SLC14A2: variants seen among roughly 807,000 people sequenced by gnomAD.
SLC14A2 encodes the protein solute carrier family 14 member 2, also known as urea transporter 2.
In SLC14A2, 91 loss-of-function variants were observed where a neutral mutation model predicts 104.6. That is an observed-to-expected ratio of 0.87 (90% CI 0.73 to 1.04). SLC14A2 has a LOEUF of 1.04. SLC14A2 is among the 50% of genes least tolerant of loss of function. SLC14A2 has a pLI of 0.00. For synonymous variants in SLC14A2, 476 were observed against 466.4 expected, an observed-to-expected ratio of 1.02 and a Z score of -0.27; for missense variants, 1,189 against 1,156.0, an observed-to-expected ratio of 1.03 and a Z score of -0.41.
At chr18:45,389,947 C>T (rs2085942329) in intron 1 of SLC14A2, among the ~76,000 whole-genome samples, 1 of 152,210 alleles carries the variant, frequency 6.6e-6, no homozygotes, top group Admixed American at 6.5e-5. Context: ...CTGTACCTTC[C>T]TCCTTCCTCT....
intron 1 of SLC14A2, among the ~76,000 whole-genome samples, chr18:45,292,987 G>A (rs575741765): frequency 4.6e-5 from 7 of 151,558 alleles, no homozygotes; most frequent in African/African-American, 1.2e-4. Flanking sequence ...GCTTGACACC[G>A]CCCCTGCCCC....
At chr18:45,223,308 C>T (rs1184627932) in intron 1 of SLC14A2, among the ~76,000 whole-genome samples, 1 of 152,044 alleles carries the variant, frequency 6.6e-6, no homozygotes, top group Non-Finnish European at 1.5e-5. Flanking sequence ...GCAAACAGCC[C>T]ACCGTGGGTC....
chr18:45,215,226 C>T (rs1438569587), intron 1 of SLC14A2, among the ~76,000 whole-genome samples: 1 of 152,182 alleles, frequency 6.6e-6, no homozygotes, highest in Non-Finnish European at 1.5e-5. Flanking sequence ...GATTAAGAAT[C>T]AATATTCACC....
At chr18:45,170,479 T>A in the SLC14A2 span, among the ~76,000 whole-genome samples, 1 of 152,202 alleles carries the variant, frequency 6.6e-6, no homozygotes, top group South Asian at 2.1e-4. Flanking sequence ...TAACCTTGAA[T>A]GTTTGCACAT....
intron 1 of SLC14A2, among the ~76,000 whole-genome samples, chr18:45,276,184 A>G (rs1046656332): frequency 1.3e-5 from 2 of 152,260 alleles, no homozygotes; most frequent in African/African-American, 4.8e-5. Flanking sequence ...CAGATCATCT[A>G]GAGCCCTGTA....
At chr18:45,659,616 T>G (rs1484876) in intron 10 of SLC14A2, among the ~76,000 whole-genome samples, 114,782 of 152,088 alleles carry the variant, frequency 0.75, 44,197 homozygotes, top group Non-Finnish European at 0.83. Context: ...AAACTTCCAC[T>G]CTTTTATCCA....
intron 1 of SLC14A2, among the ~76,000 whole-genome samples, chr18:45,303,430 C>G (rs970774028): frequency 2.0e-5 from 3 of 152,200 alleles, no homozygotes; most frequent in African/African-American, 7.2e-5. Context: ...TATAGAAATA[C>G]AGAGTCCTCA....
intron 2 of SLC14A2, among the ~76,000 whole-genome samples, chr18:45,544,884 A>G (rs898637756): frequency 4.5e-5 from 6 of 134,614 alleles, no homozygotes; most frequent in African/African-American, 1.7e-4. Flanking sequence ...CCTCCGCCCC[A>G]TGGGTTCAAG....
At chr18:45,199,183 G>T in the SLC14A2 span, among the ~76,000 whole-genome samples, 3 of 152,050 alleles carry the variant, frequency 2.0e-5, no homozygotes, top group Non-Finnish European at 2.9e-5. Context: ...GGATTTTATG[G>T]TGTCTTCATT....
At chr18:45,267,819 C>G (rs1166023091) in intron 1 of SLC14A2, among the ~76,000 whole-genome samples, 1 of 152,126 alleles carries the variant, frequency 6.6e-6, no homozygotes, top group East Asian at 1.9e-4. Flanking sequence ...TTCCCAATGA[C>G]TGTGATGGAA....
At chr18:45,650,341 A>G (rs1387964516) in intron 10 of SLC14A2, among the ~76,000 whole-genome samples, 1 of 151,760 alleles carries the variant, frequency 6.6e-6, no homozygotes, top group Non-Finnish European at 1.5e-5. Flanking sequence ...TTAATTTTCT[A>G]TCTCCTCTTG....
intron 2 of SLC14A2, among the ~76,000 whole-genome samples, chr18:45,561,144 CCA>C (rs1220624281): frequency 1.3e-5 from 2 of 152,082 alleles, no homozygotes; most frequent in Admixed American, 1.3e-4. Flanking sequence ...CTGTCACCAG[CCA>C]CAGTGGCCTG....
chr18:45,632,166 TGTGTTA>T lies in SLC14A2; in HGVS notation c.522-183_522-178del, dbSNP rs2045356040. 2.0e-5 allele frequency among the ~76,000 whole-genome samples: 3 copies of T among 150,388 alleles called. 1 individual carries two copies. In the South Asian group the frequency reaches 6.3e-4, roughly 32 times the overall value. Reference sequence around the variant, plus strand: ...GTGTTTGTGTGTGTGTGTGTGTGTGTGTGTTATCAGGAAAGGTGCTGGCAGCTATGT... The same window carrying T: ...GTGTTTGTGTGTGTGTGTGTGTGTGTTCAGGAAAGGTGCTGGCAGCTATGT... On this transcript the variant is annotated intron_variant, in intron 4 of 19. Coordinates refer to ENST00000255226, the MANE Select transcript of SLC14A2 (RefSeq NM_007163.4).
intron 18 of SLC14A2, among the ~76,000 whole-genome samples, chr18:45,677,447 C>G (rs1013455455): frequency 4.6e-5 from 7 of 152,322 alleles, no homozygotes; most frequent in African/African-American, 1.7e-4. Flanking sequence ...TAAGAGCCCA[C>G]TCCCAGAGCC....
intron 2 of SLC14A2, among the ~76,000 whole-genome samples, chr18:45,509,841 T>A (rs9954179): frequency 0.013 from 1,981 of 152,170 alleles, 41 homozygotes; most frequent in African/African-American, 0.045. Context: ...GAATGCAGAG[T>A]TCTGTAGGTC....
At chr18:45,626,806 A>ACCCCCACCCCCCCC in intron 3 of SLC14A2, 152 bp from the exon 4 acceptor site, 2 of 374,232 alleles carry the variant, frequency 5.3e-6, no homozygotes, top group Non-Finnish European at 1.0e-5. Context: ...CCTCCCCTCT[A>ACCCCCACCCCCCCC]CCCCCACCCC....
rs1459820808 is a variant in SLC14A2, at chr18:45,669,307, C to T, written c.2038C>T (p.Pro680Ser). Residue 680 changes from proline to serine, a missense_variant and splice_region_variant, in exon 16 of 20, where the codon CCC (proline) becomes TCC (serine). Coordinates refer to ENST00000255226, the MANE Select transcript of SLC14A2 (RefSeq NM_007163.4). The part of the protein sequence containing the change: ...LPVIIMSMSC[P>S]ILSSALGTIF... ...CATCTCTCATGCTTCTGCCATCAGCCCCATCCTCTCCAGTGCCCTGGGTAC... is the reference window on the plus strand; with the variant it reads ...CATCTCTCATGCTTCTGCCATCAGCTCCATCCTCTCCAGTGCCCTGGGTAC... The T allele has an allele frequency of 1.2e-6, 2 of 1,611,488 alleles. No homozygotes were observed. The highest frequency in any genetic ancestry group is 1.7e-6 in the Non-Finnish European group (2 of 1,178,488).
At chr18:45,240,729 C>A (rs1190188043) in intron 1 of SLC14A2, among the ~76,000 whole-genome samples, 1 of 151,028 alleles carries the variant, frequency 6.6e-6, no homozygotes, top group Non-Finnish European at 1.5e-5. Context: ...GTGATCTTGG[C>A]TCACTGCAAC....
In SLC14A2 at chr18:45,277,484, C is replaced by T. The variant is rs529628830; in HGVS notation, c.-125+64293C>T. Among the ~76,000 whole-genome samples the T allele has an allele frequency of 1.5e-3, 225 of 152,012 alleles. 1 individual carries two copies. The highest frequency in any genetic ancestry group is 2.6e-3 in the Non-Finnish European group (178 of 68,020). ...AGCGCAGTGGTGCGATCATAGCTCA[C>T]TGCATCCACCAACTCCTGGGCTCAA... On this transcript the variant is annotated intron_variant, in intron 1 of 20. Transcript: ENST00000586448.
Sources: gnomAD v4.1 joint callset for allele counts (sites outside exome capture counted in the v4.1 genomes callset) on GRCh38, gnomAD v4.1.1 for gene constraint, MANE v1.5 for transcripts, NCBI Gene and HGNC (gene_info 2026-07-23, HGNC 2026-07-21) for gene names.